NLRP12: variants seen among roughly 807,000 people sequenced by gnomAD.
NLRP12 encodes the protein NLR family pyrin domain containing 12.
In NLRP12, 108 loss-of-function variants were observed where a neutral mutation model predicts 91.2. That is an observed-to-expected ratio of 1.18 (90% CI 1.01 to 1.39). The LOEUF (loss-of-function observed/expected upper bound fraction) is 1.39, where lower values mean the gene tolerates loss of function less well. Ranked by LOEUF, NLRP12 falls within the 40% of genes most tolerant of loss-of-function variation. The pLI is 0.00. For missense variants in NLRP12, 1,530 were observed against 1,352.7 expected (o/e 1.13, Z -2.06); for synonymous variants, 613 against 566.7 (o/e 1.08, Z -1.16).
chr19:53,814,211 T>C (rs1477757934), intron 2 of NLRP12, among the ~76,000 whole-genome samples: 1 of 152,188 alleles, frequency 6.6e-6, no homozygotes, highest in African/African-American at 2.4e-5. Context: ...GGATGAATTA[T>C]GGTTTTGCTA....
intron 4 of NLRP12, among the ~76,000 whole-genome samples, chr19:53,806,880 TAAA>T (rs912617354): frequency 2.3e-5 from 3 of 129,502 alleles, no homozygotes; most frequent in East Asian, 2.3e-4. Flanking sequence ...AAAAAAAAAG[TAAA>T]AAAAAGAAAA....
chr19:53,823,124 C>CACACAT (rs1568701617), intron 1 of NLRP12, among the ~76,000 whole-genome samples: 1 of 148,982 alleles, frequency 6.7e-6, no homozygotes, highest in African/African-American at 2.5e-5. Flanking sequence ...TATATATACA[C>CACACAT]ATATATACAC....
intron 2 of NLRP12, among the ~76,000 whole-genome samples, chr19:53,813,302 T>TTC (rs2092107958): frequency 1.9e-5 from 2 of 104,762 alleles, no homozygotes; most frequent in African/African-American, 3.5e-5. Flanking sequence ...TTCTTTTCTT[T>TTC]TTTTTTTTTT....
chr19:53,799,054 C>T (rs918084669), intron 7 of NLRP12, among the ~76,000 whole-genome samples: 2 of 144,424 alleles, frequency 1.4e-5, no homozygotes, highest in African/African-American at 2.6e-5. Flanking sequence ...GCAATGTCGC[C>T]CAGGCTGGAG....
At chr19:53,809,536 A>AAC (rs765717312) in intron 3 of NLRP12, 51 bp downstream of exon 3, 4 of 1,460,710 alleles carry the variant, frequency 2.7e-6, no homozygotes, top group Non-Finnish European at 2.8e-6. Flanking sequence ...AAAAAAAAAA[A>AAC]AAAAACACAC....
At position 53,819,553 on chromosome 19, in the gene NLRP12, ATG is replaced by A. The variant is rs2092227650; in HGVS notation, c.289+4331_289+4332del. ...TGTGTATGTATACGTATATATATGT[ATG>A]TATACGTATATATATGCGTATATAT... On this transcript the variant is annotated intron_variant, in intron 1 of 9. Coordinates refer to ENST00000324134, the MANE Select transcript of NLRP12 (RefSeq NM_144687.4). Among the ~76,000 whole-genome samples, 3 of 63,380 alleles carry A rather than the reference ATG, an allele frequency of 4.7e-5. 1 individual carries two copies. Among genetic ancestry groups the A allele is most frequent in the Admixed American group, 3.0e-4 (2 of 6,580 alleles). 41.6% of individuals were successfully genotyped at this position (63,380 alleles called of 152,430 possible). A position where few individuals can be genotyped will look rare whatever the true frequency, so the allele number is the denominator to read the frequency against.
At position 53,809,989 on chromosome 19, in the gene NLRP12, G is replaced by A; in HGVS notation, c.1670C>T (p.Ala557Val). ...EYAFSERSFLALTSRFLFGLL... is the reference protein window; with the variant it reads ...EYAFSERSFLVLTSRFLFGLL... ...TCCAAACAGGAAGCGGCTGGTGAGTGCCAGGAAGCTCCTTTCAGAAAACGC... is the reference window on the plus strand; with the variant it reads ...TCCAAACAGGAAGCGGCTGGTGAGTACCAGGAAGCTCCTTTCAGAAAACGC... The change falls in exon 3 of 10, where the codon GCA (alanine) becomes GTA (valine). Residue 557 changes from alanine to valine, a missense_variant. Ala to Val is a moderately conservative substitution (Grantham distance 64). Coordinates refer to ENST00000324134, the MANE Select transcript of NLRP12 (RefSeq NM_144687.4). 1 of 1,614,108 alleles carries A rather than the reference G, an allele frequency of 6.2e-7. No individual in the cohort carries two copies. Among genetic ancestry groups the A allele is most frequent in the East Asian group, 2.2e-5 (1 of 44,864 alleles).
intron 1 of NLRP12, among the ~76,000 whole-genome samples, chr19:53,819,861 AAAG>A (rs1455283502): frequency 6.6e-6 from 1 of 151,098 alleles, no homozygotes; most frequent in Non-Finnish European, 1.5e-5. Context: ...AGAGAAAAGA[AAAG>A]AAAGGAAGGA....
At chr19:53,804,375 G>GT (rs1177666666) in intron 5 of NLRP12, among the ~76,000 whole-genome samples, 1 of 126,356 alleles carries the variant, frequency 7.9e-6, no homozygotes, top group Non-Finnish European at 1.8e-5. Flanking sequence ...TTGTTTGTTT[G>GT]TTTTTTGTTT....
chr19:53,801,853 G>A (rs912573292), intron 6 of NLRP12, among the ~76,000 whole-genome samples: 5 of 152,076 alleles, frequency 3.3e-5, no homozygotes, highest in African/African-American at 1.2e-4. Context: ...AGCACTTTGG[G>A]AGGCCGAGGC....
chr19:53,817,835 C>T (rs1287854052), intron 1 of NLRP12, among the ~76,000 whole-genome samples: 3 of 151,884 alleles, frequency 2.0e-5, no homozygotes, highest in Admixed American at 6.6e-5. Flanking sequence ...CTGTGTCGTC[C>T]AGGCTGGTGT....
intron 2 of NLRP12, among the ~76,000 whole-genome samples, chr19:53,813,868 G>GT (rs145771730): frequency 0.12 from 18,283 of 148,846 alleles, 1,217 homozygotes; most frequent in African/African-American, 0.14. Flanking sequence ...TCGATTTTTT[G>GT]TTTTTTTTTG....
intron 8 of NLRP12, chr19:53,796,292 C>T (rs1475165985): frequency 2.1e-5 from 9 of 427,206 alleles, no homozygotes; most frequent in East Asian, 1.1e-4. Flanking sequence ...CCCTCTGTTG[C>T]CCATGCTGGA....
At position 53,794,134 on chromosome 19, in the gene NLRP12, A is replaced by G; in HGVS notation, c.3101T>C (p.Leu1034Ser). The G allele has an allele frequency of 1.9e-6, 3 of 1,609,102 alleles. No individual in the cohort carries two copies. Among genetic ancestry groups the G allele is most frequent in the Non-Finnish European group, 2.6e-6 (3 of 1,175,464 alleles). The change falls in exon 10 of 10, where the codon TTA becomes TCA. Residue 1034 changes from leucine (L) to serine (S), a missense_variant and splice_region_variant. Leu to Ser is a moderately radical substitution (Grantham distance 145). Transcript: ENST00000324134. ...CATTTTATTCAGGTCCATCCCAAAT[A>G]ACCTGTGGACACAAGAGTTGATATT... ...HPGCKLRVLW[L>S]FGMDLNKMTH...
chr19:53,799,179 A>C (rs2091824840), intron 7 of NLRP12, among the ~76,000 whole-genome samples: 1 of 149,768 alleles, frequency 6.7e-6, no homozygotes, highest in Non-Finnish European at 1.5e-5. Flanking sequence ...CGCCCAGCTA[A>C]TTTTTGTATT....
intron 9 of NLRP12, among the ~76,000 whole-genome samples, chr19:53,794,965 CT>C (rs545360449): frequency 6.6e-6 from 1 of 151,690 alleles, no homozygotes; most frequent in South Asian, 2.1e-4. Flanking sequence ...CCTTTTTTTT[CT>C]TGAGACAAGT....
chr19:53,811,066 G>T lies in NLRP12; in HGVS notation c.593C>A (p.Thr198Asn), dbSNP rs199829926. 2.5e-6 allele frequency: 4 copies of T among 1,612,772 alleles called. No individual in the cohort carries two copies. Among genetic ancestry groups the T allele is most frequent in the South Asian group, 1.1e-5 (1 of 91,074 alleles). The stretch of plus-strand genomic sequence containing the variant: ...GCGCTCCTCGTCTGGCTCAAAGAGG[G>T]TCTCTATCTTGATGGGGCTAGCCTG... ...GHQASPIKIE[T>N]LFEPDEERPE... The change falls in exon 3 of 10, where the codon ACC (threonine) becomes AAC (asparagine). Residue 198 changes from threonine (T) to asparagine (N), a missense_variant. Physicochemically the swap from Thr to Asn is moderately conservative, Grantham distance 65. Coordinates refer to ENST00000324134, the MANE Select transcript of NLRP12 (RefSeq NM_144687.4).
chr19:53,800,582 C>T (rs979963842), intron 7 of NLRP12, among the ~76,000 whole-genome samples: 1 of 119,896 alleles, frequency 8.3e-6, no homozygotes, highest in South Asian at 3.0e-4. Context: ...TCAGAAAACC[C>T]CCCCCTTTTT....
chr19:53,809,644 G>A lies in NLRP12; in HGVS notation c.2015C>T (p.Ala672Val), dbSNP rs376751517. 1.4e-5 allele frequency: 23 copies of A among 1,612,992 alleles called. No homozygotes were observed. The highest frequency in any genetic ancestry group is 1.2e-4 in the African/African-American group (9 of 74,804). ...GCACCTCGCGCGGTCTTCCCCGTCC[G>A]CGCTGTAGGTGGCGCCATACAAGTG... The part of the protein sequence containing the change: ...VLHLYGATYS[A>V]DGEDRARCSA... Residue 672 changes from alanine (A) to valine (V), a missense_variant, in exon 3 of 10, where the codon GCG becomes GTG. Ala to Val is a moderately conservative substitution (Grantham distance 64). Transcript: ENST00000324134.
Sources: allele counts gnomAD v4.1 joint callset (sites outside exome capture counted in the v4.1 genomes callset), GRCh38; gene constraint gnomAD v4.1.1; transcripts MANE v1.5; gene names NCBI Gene and HGNC (gene_info 2026-07-23, HGNC 2026-07-21).